The following ROPN1L variants were observed in gnomAD, a reference collection of about 807,000 sequenced individuals.
ROPN1L encodes rhophilin associated tail protein 1 like, also known as ropporin-1-like protein.
In ROPN1L, 23 loss-of-function variants were observed where a neutral mutation model predicts 22.7. The ratio of observed to expected loss-of-function variants is 1.01; its 90% CI spans 0.73 to 1.43. ROPN1L has a LOEUF of 1.43. ROPN1L is among the 40% of genes most tolerant of loss of function. The pLI, the probability that ROPN1L is intolerant of heterozygous loss-of-function variation, is 0.00. For synonymous variants in ROPN1L, 116 were observed against 117.8 expected (o/e 0.98, Z 0.10); for missense variants, 271 against 291.5 (o/e 0.93, Z 0.51).
Position 10,442,000 on chromosome 5 carries a change from G to T in ROPN1L, c.-168G>T. On this transcript the variant is annotated 5_prime_UTR_variant, in exon 1 of 5. Transcript: ENST00000274134. ...AATTTCTCCCGAAGCCCGCGGAGGA[G>T]CGGGTAAGAGCCCCGCGAATCCGGC... is the stretch of plus-strand genomic sequence containing the variant. The T allele has an allele frequency of 2.4e-6, 2 of 844,984 alleles. No homozygotes were observed. Among genetic ancestry groups the T allele is most frequent in the South Asian group, 3.4e-5 (2 of 58,098 alleles). The allele number at this position is 844,984 out of a possible 1,614,324, so 52.3% of individuals were successfully genotyped here. A position where few individuals can be genotyped will look rare whatever the true frequency, so the allele number is the denominator to read the frequency against.
At chr5:10,460,047 G>A (rs188775293) in intron 3 of ROPN1L, among the ~76,000 whole-genome samples, 232 of 152,314 alleles carry the variant, frequency 1.5e-3, no homozygotes, top group African/African-American at 5.4e-3. Context: ...GGCAAGGACG[G>A]CCTTCACAGA....
chr5:10,459,209 A>G (rs940980598), intron 3 of ROPN1L, among the ~76,000 whole-genome samples: 1 of 151,770 alleles, frequency 6.6e-6, no homozygotes, highest in East Asian at 2.0e-4. Flanking sequence ...GAGTTCTGGT[A>G]ACTCCACCTT....
At chr5:10,476,088 G>A (rs1016582044), downstream of ROPN1L, among the ~76,000 whole-genome samples, 1 of 152,226 alleles carries the variant, frequency 6.6e-6, no homozygotes, top group African/African-American at 2.4e-5. Context: ...CCCCTCACAT[G>A]CCGGCAGGCG....
At chr5:10,476,170 C>T (rs573589000), downstream of ROPN1L, among the ~76,000 whole-genome samples, 6 of 152,358 alleles carry the variant, frequency 3.9e-5, no homozygotes, top group South Asian at 2.1e-4. Flanking sequence ...TGAGCAGCCA[C>T]ATGCCCTTGA....
chr5:10,455,563 A>T (rs1741390375), intron 3 of ROPN1L, among the ~76,000 whole-genome samples: 1 of 152,198 alleles, frequency 6.6e-6, no homozygotes, highest in Admixed American at 6.5e-5. Flanking sequence ...TGTCCGCTGG[A>T]GATTCCCATG....
downstream of ROPN1L, among the ~76,000 whole-genome samples, chr5:10,467,551 C>T (rs749314768): frequency 6.6e-6 from 1 of 152,192 alleles, no homozygotes. Flanking sequence ...AATCCACAGG[C>T]TGCAAGGGAA....
chr5:10,479,590 C>T, the ROPN1L span, among the ~76,000 whole-genome samples: 6 of 152,168 alleles, frequency 3.9e-5, no homozygotes, highest in African/African-American at 1.4e-4. Context: ...CACAGGACGC[C>T]AGGCTGGGAC....
chr5:10,455,482 C>G (rs897467458), intron 3 of ROPN1L, among the ~76,000 whole-genome samples: 5 of 152,236 alleles, frequency 3.3e-5, no homozygotes, highest in Admixed American at 1.3e-4. Flanking sequence ...AGCTCCAGTT[C>G]CCCTGATTGC....
At chr5:10,473,154 G>A (rs1443550820), downstream of ROPN1L, among the ~76,000 whole-genome samples, 1 of 152,184 alleles carries the variant, frequency 6.6e-6, no homozygotes, top group East Asian at 1.9e-4. Context: ...CCTTTTCCCT[G>A]GTTGTAGTCA....
chr5:10,478,028 C>T, the ROPN1L span: 1 of 152,416 alleles, frequency 6.6e-6, no homozygotes, highest in East Asian at 1.9e-4. Flanking sequence ...TCGTTGCTGC[C>T]CCTTCTCATC....
the ROPN1L span, among the ~76,000 whole-genome samples, chr5:10,482,540 G>A: frequency 6.6e-6 from 1 of 152,168 alleles, no homozygotes; most frequent in Non-Finnish European, 1.5e-5. Flanking sequence ...TGAAAGGTTA[G>A]GAGAGATCAG....
intron 4 of ROPN1L, among the ~76,000 whole-genome samples, chr5:10,470,447 C>T (rs980631851): frequency 1.1e-4 from 16 of 152,248 alleles, no homozygotes; most frequent in African/African-American, 3.9e-4. Context: ...CCTCACACTC[C>T]TGTCCCTCTC....
At chr5:10,449,865 A>T in intron 2 of ROPN1L, 87 bp from the exon 3 acceptor site, 1 of 1,148,686 alleles carries the variant, frequency 8.7e-7, no homozygotes, top group South Asian at 1.5e-5. Context: ...GGGGCGGGTT[A>T]CTTGGTGTGT....
intron 3 of ROPN1L, among the ~76,000 whole-genome samples, chr5:10,452,690 T>G (rs186255040): frequency 1.4e-3 from 218 of 152,242 alleles, no homozygotes; most frequent in African/African-American, 5.0e-3. Flanking sequence ...TGAATTAATG[T>G]TGGTGGTTTC....
chr5:10,466,553 A>G (rs973342878), downstream of ROPN1L, among the ~76,000 whole-genome samples: 1 of 152,198 alleles, frequency 6.6e-6, no homozygotes, highest in African/African-American at 2.4e-5. Context: ...TATAAAGCAT[A>G]AATCAGGAAC....
At chr5:10,462,705 C>G (rs1013578453) in intron 4 of ROPN1L, among the ~76,000 whole-genome samples, 1 of 151,960 alleles carries the variant, frequency 6.6e-6, no homozygotes, top group Non-Finnish European at 1.5e-5. Context: ...ACCAGCCTGG[C>G]CAATATGGCA....
chr5:10,477,900 A>G, the ROPN1L span: 1 of 152,226 alleles, frequency 6.6e-6, no homozygotes, highest in African/African-American at 2.4e-5. Flanking sequence ...ACTGCACTCC[A>G]GCCTTGGTGA....
At chr5:10,466,351 G>T (rs914930685), downstream of ROPN1L, among the ~76,000 whole-genome samples, 4 of 152,102 alleles carry the variant, frequency 2.6e-5, no homozygotes, top group Non-Finnish European at 5.9e-5. Context: ...ATGGGGAGGG[G>T]AAATGAAGCC....
At chr5:10,452,187 G>A (rs1202135153) in intron 3 of ROPN1L, among the ~76,000 whole-genome samples, 1 of 151,792 alleles carries the variant, frequency 6.6e-6, no homozygotes, top group Non-Finnish European at 1.5e-5. Flanking sequence ...CACCATGTTG[G>A]CCTGGCTGGT....
Sources: gnomAD v4.1 joint callset for allele counts (sites outside exome capture counted in the v4.1 genomes callset) on GRCh38, gnomAD v4.1.1 for gene constraint, MANE v1.5 for transcripts, NCBI Gene and HGNC (gene_info 2026-07-23, HGNC 2026-07-21) for gene names.